AGBL1: variants seen among roughly 807,000 people sequenced by gnomAD.
AGBL1 encodes the protein cytosolic carboxypeptidase 4.
A neutral mutation model predicts 118.9 loss-of-function variants in AGBL1; 130 were observed. That is an observed-to-expected ratio of 1.09 (90% CI 0.95 to 1.26). The LOEUF is 1.26. Among genes scored for constraint, AGBL1 ranks in the 50% most tolerant of loss-of-function variants. The pLI is 0.00. For missense variants in AGBL1, 1,584 were observed against 1,298.1 expected, an observed-to-expected ratio of 1.22 and a Z score of -3.38; for synonymous variants, 555 against 478.9, an observed-to-expected ratio of 1.16 and a Z score of -2.08.
At chr15:86,147,663 A>T (rs1372379099) in intron 3 of AGBL1, among the ~76,000 whole-genome samples, 1 of 152,154 alleles carries the variant, frequency 6.6e-6, no homozygotes, top group Non-Finnish European at 1.5e-5. Flanking sequence ...TCTAGACTCC[A>T]CTTCTATCGG....
intron 22 of AGBL1, among the ~76,000 whole-genome samples, chr15:86,753,415 T>TTTTTTTTTTTTTTTTC (rs35941815): frequency 7.2e-6 from 1 of 139,748 alleles, no homozygotes; most frequent in Non-Finnish European, 1.5e-5. Context: ...TTTTTTTTTT[T>TTTTTTTTTTTTTTTTC]GAGACAGAGT....
At chr15:86,329,816 T>A (rs2080242870) in intron 17 of AGBL1, among the ~76,000 whole-genome samples, 2 of 152,100 alleles carry the variant, frequency 1.3e-5, no homozygotes, top group African/African-American at 4.8e-5. Context: ...CCTGTTTGCC[T>A]GGTTTAGCAG....
chr15:86,960,467 A>G (rs781030209), intron 23 of AGBL1, among the ~76,000 whole-genome samples: 19 of 152,094 alleles, frequency 1.2e-4, no homozygotes, highest in Admixed American at 6.6e-4. Flanking sequence ...GAAAGTCATT[A>G]TCAAAAAGTC....
At chr15:86,670,176 G>A (rs1340605618) in intron 21 of AGBL1, among the ~76,000 whole-genome samples, 1 of 151,990 alleles carries the variant, frequency 6.6e-6, no homozygotes, top group African/African-American at 2.4e-5. Flanking sequence ...TTATTAGGAA[G>A]GGTTCCCTGA....
chr15:86,204,763 C>T (rs775584751), intron 5 of AGBL1, among the ~76,000 whole-genome samples: 15 of 151,912 alleles, frequency 9.9e-5, no homozygotes, highest in South Asian at 2.1e-4. Flanking sequence ...CTAATTTTTG[C>T]GTTTTTAGTA....
chr15:86,350,307 A>G (rs980668318), intron 17 of AGBL1, among the ~76,000 whole-genome samples: 1 of 152,256 alleles, frequency 6.6e-6, no homozygotes, highest in Non-Finnish European at 1.5e-5. Context: ...GTCAGTATTG[A>G]CAGACTCTGA....
intron 18 of AGBL1, among the ~76,000 whole-genome samples, chr15:86,488,150 T>C (rs1028649782): frequency 6.6e-6 from 1 of 152,056 alleles, no homozygotes; most frequent in African/African-American, 2.4e-5. Context: ...AGCTGTAGCC[T>C]GCTAGAGCAA....
intron 1 of AGBL1, among the ~76,000 whole-genome samples, chr15:86,088,992 A>G (rs988677794): frequency 6.6e-6 from 1 of 152,202 alleles, no homozygotes; most frequent in Non-Finnish European, 1.5e-5. Flanking sequence ...TAGGTGCTCA[A>G]TAAATGTTTG....
At chr15:87,020,295 T>G (rs1372483625) in intron 24 of AGBL1, among the ~76,000 whole-genome samples, 1 of 152,120 alleles carries the variant, frequency 6.6e-6, no homozygotes, top group Non-Finnish European at 1.5e-5. Context: ...TCAATAAAAT[T>G]CAACATCCTG....
Position 86,397,479 on chromosome 15 carries a change from C to A in AGBL1, c.2488C>A (p.Leu830Ile), listed in dbSNP as rs2081385287. 6.2e-7 allele frequency: 1 copy of A among 1,613,092 alleles called. No individual in the cohort carries two copies. The highest frequency in any genetic ancestry group is 1.3e-5 in the African/African-American group (1 of 74,974). The change falls in exon 18 of 23, where the codon CTC becomes ATC. Residue 830 changes from leucine (L) to isoleucine (I), a missense_variant. Leu to Ile is a conservative substitution (Grantham distance 5). Transcript: ENST00000614907. The stretch of plus-strand genomic sequence containing the variant: ...GGTCAGCAGTGACCCTGTGGCTAGG[C>A]TCTTGAGGGAAAACTTCATCTTCAA... ...FLVSSDPVAR[L>I]LRENFIFKII...
chr15:86,338,724 T>A (rs2080413311), intron 17 of AGBL1, among the ~76,000 whole-genome samples: 1 of 152,130 alleles, frequency 6.6e-6, no homozygotes, highest in African/African-American at 2.4e-5. Flanking sequence ...ATGGTTTGAA[T>A]GGGCTGCCCA....
chr15:86,805,137 A>G (rs1783380573), intron 22 of AGBL1, among the ~76,000 whole-genome samples: 1 of 152,124 alleles, frequency 6.6e-6, no homozygotes, highest in South Asian at 2.1e-4. Flanking sequence ...CCCATGGGCC[A>G]ATGACAAATT....
intron 17 of AGBL1, among the ~76,000 whole-genome samples, chr15:86,311,568 T>C (rs1795517099): frequency 6.6e-6 from 1 of 152,200 alleles, no homozygotes; most frequent in African/African-American, 2.4e-5. Context: ...TGAATTAAGA[T>C]TCCAACCAAA....
intron 18 of AGBL1, among the ~76,000 whole-genome samples, chr15:86,507,094 AT>A (rs1160443728): frequency 6.6e-6 from 1 of 152,094 alleles, no homozygotes; most frequent in African/African-American, 2.4e-5. Flanking sequence ...GACTCCCTAA[AT>A]AAAAAGACGC....
chr15:86,882,510 A>G (rs2079909421), intron 22 of AGBL1, among the ~76,000 whole-genome samples: 1 of 152,208 alleles, frequency 6.6e-6, no homozygotes, highest in Non-Finnish European at 1.5e-5. Flanking sequence ...GACCTTAGAT[A>G]AATCACTCAC....
At chr15:86,735,653 G>GATATATAT (rs1460820444) in intron 22 of AGBL1, among the ~76,000 whole-genome samples, 6,954 of 142,902 alleles carry the variant, frequency 0.049, 561 homozygotes, top group African/African-American at 0.15. Flanking sequence ...GCTACAAAGA[G>GATATATAT]AGATATATAT....
At chr15:86,853,314 A>C (rs2079432401) in intron 22 of AGBL1, among the ~76,000 whole-genome samples, 1 of 152,208 alleles carries the variant, frequency 6.6e-6, no homozygotes, top group African/African-American at 2.4e-5. Context: ...TACAAGATCC[A>C]CAAATAAGCA....
chr15:86,747,127 G>A (rs931677965), intron 22 of AGBL1, among the ~76,000 whole-genome samples: 9 of 151,890 alleles, frequency 5.9e-5, no homozygotes, highest in Admixed American at 2.0e-4. Context: ...TTGCCCTTCC[G>A]CCTTTAAAAG....
intron 18 of AGBL1, among the ~76,000 whole-genome samples, chr15:86,444,468 C>G (rs1378238421): frequency 6.6e-6 from 1 of 152,172 alleles, no homozygotes; most frequent in Non-Finnish European, 1.5e-5. Context: ...TCCTGGAAAT[C>G]TAGCTGGAGA....
Sources: allele counts gnomAD v4.1 joint callset (sites outside exome capture counted in the v4.1 genomes callset), GRCh38; gene constraint gnomAD v4.1.1; transcripts MANE v1.5; gene names NCBI Gene and HGNC (gene_info 2026-07-23, HGNC 2026-07-21).